The following DIS3L variants were observed in gnomAD, a reference collection of about 807,000 sequenced individuals.
DIS3L encodes the protein DIS3-like exonuclease 1.
Under a neutral mutation model 120.3 loss-of-function variants are expected in DIS3L, and 100 were observed. The ratio of observed to expected loss-of-function variants is 0.83; its 90% CI spans 0.71 to 0.98. DIS3L has a LOEUF of 0.98. Ranked by LOEUF, DIS3L falls within the 50% of genes least tolerant of loss-of-function variation. The pLI is 0.00. For missense variants in DIS3L, 1,196 were observed against 1,314.2 expected (o/e 0.91, Z 1.39); for synonymous variants, 426 against 470.6 (o/e 0.91, Z 1.23).
At chr15:66,300,324 T>C (rs2092634349) in intron 2 of DIS3L, among the ~76,000 whole-genome samples, 1 of 152,234 alleles carries the variant, frequency 6.6e-6, no homozygotes, top group Non-Finnish European at 1.5e-5. Context: ...ATTCCATTTA[T>C]GTAAAATGTC....
At chr15:66,332,049 A>G in intron 15 of DIS3L, 29 bp downstream of exon 15, 1 of 1,579,634 alleles carries the variant, frequency 6.3e-7, no homozygotes, top group Non-Finnish European at 8.6e-7. Flanking sequence ...AATGGTGCAT[A>G]AGAAATCATA....
At chr15:66,331,777 T>C in intron 14 of DIS3L, 98 bp from the exon 15 acceptor site, 1 of 1,304,316 alleles carries the variant, frequency 7.7e-7, no homozygotes, top group Non-Finnish European at 1.0e-6. Flanking sequence ...TTTATATTAA[T>C]AGTTTTACAG....
Position 66,315,074 on chromosome 15 carries a change from C to T in DIS3L, c.853C>T (p.Arg285Ter), listed in dbSNP as rs753663147. 16 of 1,613,984 alleles carry T rather than the reference C, an allele frequency of 9.9e-6. No individual in the cohort carries two copies. The highest frequency in any genetic ancestry group is 1.3e-5 in the African/African-American group (1 of 74,994). The stretch of plus-strand genomic sequence containing the variant: ...CATCCTAATCCACGGGATGAAGGCT[C>T]GAAACCGCTCAATTCATGGAGATGT... ...SDILIHGMKARNRSIHGDVVV... is the reference protein window; with the variant it reads ...SDILIHGMKA Residue 285 changes from arginine to a stop codon, truncating the protein, a stop_gained, in exon 7 of 17, where the codon CGA (arginine) becomes TGA (stop). Coordinates refer to ENST00000319212, the MANE Select transcript of DIS3L (RefSeq NM_001143688.3). LOFTEE classifies it high-confidence loss of function.
chr15:66,317,854 A>G (rs1014438962), intron 7 of DIS3L, among the ~76,000 whole-genome samples: 3 of 150,076 alleles, frequency 2.0e-5, no homozygotes, highest in African/African-American at 7.3e-5. Flanking sequence ...AAAAAAAAAA[A>G]AAAGAAACGA....
rs147438451 is a variant in DIS3L, at chr15:66,320,658, G to C, written c.1252G>C (p.Gly418Arg). 1 of 1,613,980 alleles carries C rather than the reference G, an allele frequency of 6.2e-7. No individual in the cohort carries two copies. The highest frequency in any genetic ancestry group is 1.7e-5 in the Admixed American group (1 of 60,004). Reference protein sequence around the residue: ...GHFVRVLGRIGDLEGEIATIL... With the variant: ...GHFVRVLGRIRDLEGEIATIL... ...TTTTGTGCGTGTTTTAGGAAGAATC[G>C]GAGATCTGGAAGGGGAAATTGCAAC... is the stretch of plus-strand genomic sequence containing the variant. The change falls in exon 9 of 17, where the codon GGA becomes CGA. Residue 418 changes from glycine to arginine, a missense_variant. Coordinates refer to ENST00000319212, the MANE Select transcript of DIS3L (RefSeq NM_001143688.3).
Position 66,315,228 on chromosome 15 carries a change from C to T in DIS3L, c.994+13C>T, listed in dbSNP as rs1400090503. On this transcript the variant is annotated intron_variant, in intron 7 of 16. Transcript: ENST00000319212. ...CCCATGCCTACAGGTGAGCCAGCTG[C>T]AGAGCCACTCCGATGTCCATTTTTC... 12 of 1,586,004 alleles carry T rather than the reference C, an allele frequency of 7.6e-6. No individual in the cohort carries two copies. Among genetic ancestry groups the T allele is most frequent in the Non-Finnish European group, 1.0e-5 (12 of 1,161,662 alleles).
chr15:66,330,052 C>T, intron 14 of DIS3L: 1 of 985,102 alleles, frequency 1.0e-6, no homozygotes, highest in Non-Finnish European at 1.2e-6. Flanking sequence ...CCTGTATTCC[C>T]AGTACTTTGG....
intron 14 of DIS3L, chr15:66,331,359 T>A (rs1438583825): frequency 6.6e-6 from 1 of 152,016 alleles, no homozygotes; most frequent in Non-Finnish European, 1.5e-5. Flanking sequence ...ATCAAGACCA[T>A]CCTGGCTAAC....
At chr15:66,293,774 A>AGCGGGCGGCC in intron 1 of DIS3L, 39 bp downstream of exon 1, 7 of 1,152,342 alleles carry the variant, frequency 6.1e-6, no homozygotes, top group Non-Finnish European at 7.5e-6. Context: ...GGCCGGCGGG[A>AGCGGGCGGCC]GCGGGCGGCC....
intron 1 of DIS3L, 106 bp downstream of exon 1, chr15:66,293,841 G>T: frequency 9.8e-7 from 1 of 1,023,266 alleles, no homozygotes; most frequent in Non-Finnish European, 1.2e-6. Context: ...GGACACGGAG[G>T]CGTAGGCCCC....
In DIS3L at chr15:66,326,464, A is replaced by G. The variant is rs963127138; in HGVS notation, c.2201+100A>G. 3.0e-6 allele frequency: 4 copies of G among 1,318,282 alleles called. No individual in the cohort carries two copies. In the African/African-American group the frequency reaches 5.9e-5, roughly 20 times the overall value. The allele number at this position is 1,318,282 out of a possible 1,614,324, so 81.7% of individuals were successfully genotyped here. The stretch of plus-strand genomic sequence containing the variant: ...ATGTGACAGCCAGATCTTTGACCAA[A>G]AAGAGAAAACAGATTCTTGGCTCTC... On this transcript the variant is annotated intron_variant, in intron 12 of 16. Coordinates refer to ENST00000319212, the MANE Select transcript of DIS3L (RefSeq NM_001143688.3).
chr15:66,333,029 G>A lies in DIS3L; in HGVS notation c.2882G>A (p.Arg961His), dbSNP rs770225075. 23 of 1,612,504 alleles carry A rather than the reference G, an allele frequency of 1.4e-5. No individual in the cohort carries two copies. Among genetic ancestry groups the A allele is most frequent in the Non-Finnish European group, 1.8e-5 (21 of 1,179,608 alleles). ...GTAAGAATATCCATACAGGCCTCAC[G>A]TTGCCATTCTGATACAATCAGACTT... is the stretch of plus-strand genomic sequence containing the variant. ...VTVRISIQAS[R>H]CHSDTIRLEI... Residue 961 changes from arginine (R) to histidine (H), a missense_variant, in exon 17 of 17, where the codon CGT (arginine) becomes CAT (histidine). By Grantham distance (29) the Arg-to-His change is conservative. Coordinates refer to ENST00000319212, the MANE Select transcript of DIS3L (RefSeq NM_001143688.3).
rs370456763 is a variant in DIS3L, at chr15:66,317,363, GAAAA to G, written c.995-1083_995-1080del. Among the ~76,000 whole-genome samples the G allele has an allele frequency of 9.3e-3, 1,339 of 144,416 alleles. 39 individuals are homozygous for G. The highest frequency in any genetic ancestry group is 0.06 in the East Asian group (294 of 4,928). The allele number at this position is 144,416 out of a possible 152,430, so 94.7% of individuals were successfully genotyped here. On this transcript the variant is annotated intron_variant, in intron 7 of 16. Transcript: ENST00000319212. ...TTTGTGGGAAAAAAAAAAAAAAAAA[GAAAA>G]AAGAGAACATTTTTAATTATTAAAG...
chr15:66,325,895 G>T lies in DIS3L; in HGVS notation c.1732G>T (p.Gly578Cys), dbSNP rs769723873. The T allele has an allele frequency of 3.1e-6, 5 of 1,614,056 alleles. 1 individual carries two copies. In the South Asian group the frequency reaches 4.4e-5, roughly 14 times the overall value. The stretch of plus-strand genomic sequence containing the variant: ...TTATGAAATTAAGAAAGTGTGGTAT[G>T]GCAGAACCATTATTCGATCAGCATA... ...ASYEIKKVWY[G>C]RTIIRSAYKL... The change falls in exon 12 of 17, where the codon GGC (glycine) becomes TGC (cysteine). Residue 578 changes from glycine to cysteine, a missense_variant. Physicochemically the swap from Gly to Cys is radical, Grantham distance 159. Transcript: ENST00000319212.
chr15:66,305,243 T>G (rs926661805), intron 2 of DIS3L, among the ~76,000 whole-genome samples: 7 of 152,094 alleles, frequency 4.6e-5, no homozygotes, highest in Non-Finnish European at 7.4e-5. Flanking sequence ...CTCGTGATCC[T>G]CCTGCCTCGC....
At chr15:66,326,705 G>A in intron 12 of DIS3L, 1 of 211,704 alleles carries the variant, frequency 4.7e-6, no homozygotes, top group East Asian at 1.2e-4. Context: ...TCAGGTTCCT[G>A]AGTAGCTGGG....
chr15:66,295,982 CT>C (rs1722872239), intron 2 of DIS3L, among the ~76,000 whole-genome samples: 1 of 151,960 alleles, frequency 6.6e-6, no homozygotes, highest in Non-Finnish European at 1.5e-5. Context: ...AAAAATTGTC[CT>C]CTTATTATAT....
chr15:66,326,434 T>C, intron 12 of DIS3L, 70 bp downstream of exon 12: 1 of 1,488,954 alleles, frequency 6.7e-7, no homozygotes. Context: ...ACAGTTGTTC[T>C]TAAAATGTGA....
intron 1 of DIS3L, chr15:66,294,211 T>G (rs1405981683): frequency 1.0e-6 from 1 of 985,272 alleles, no homozygotes; most frequent in Non-Finnish European, 1.2e-6. Flanking sequence ...CCCAGACTTT[T>G]CCCCCAGTGG....
Sources: allele counts gnomAD v4.1 joint callset (sites outside exome capture counted in the v4.1 genomes callset), GRCh38; gene constraint gnomAD v4.1.1; transcripts MANE v1.5; gene names NCBI Gene and HGNC (gene_info 2026-07-23, HGNC 2026-07-21).